The following ADGRV1 variants were observed in gnomAD, a reference collection of about 807,000 sequenced individuals.
The protein encoded by ADGRV1 is G-protein coupled receptor 98.
A neutral mutation model predicts 596.2 loss-of-function variants in ADGRV1; 359 were observed. That is an observed-to-expected ratio of 0.60 (90% CI 0.55 to 0.66). The LOEUF (loss-of-function observed/expected upper bound fraction) is 0.66, where lower values mean the gene tolerates loss of function less well. ADGRV1 is among the 30% of genes least tolerant of loss of function. The pLI, the probability that ADGRV1 is intolerant of heterozygous loss-of-function variation, is 0.00. For missense variants in ADGRV1, 7,274 were observed against 7,575.6 expected, an observed-to-expected ratio of 0.96 and a Z score of 1.48; for synonymous variants, 2,681 against 2,679.2, an observed-to-expected ratio of 1.00 and a Z score of -0.02.
At chr5:91,076,916 T>A (rs557986050) in intron 86 of ADGRV1, among the ~76,000 whole-genome samples, 81 of 152,282 alleles carry the variant, frequency 5.3e-4, no homozygotes, top group African/African-American at 1.8e-3. Context: ...AACGTGCAGG[T>A]TTGTTACATA....
chr5:90,756,148 T>G (rs1755806984), intron 55 of ADGRV1, among the ~76,000 whole-genome samples: 1 of 152,070 alleles, frequency 6.6e-6, no homozygotes, highest in African/African-American at 2.4e-5. Context: ...TTTGGGATAT[T>G]AAATATGTAA....
chr5:90,625,046 T>G, intron 5 of ADGRV1, 84 bp from the exon 6 acceptor site: 2 of 764,724 alleles, frequency 2.6e-6, no homozygotes, highest in Non-Finnish European at 4.4e-6. Context: ...ACTTCAGATT[T>G]TTGTCAGCTG....
At chr5:91,038,275 G>A (rs1409531057) in intron 85 of ADGRV1, among the ~76,000 whole-genome samples, 1 of 152,194 alleles carries the variant, frequency 6.6e-6, no homozygotes, top group East Asian at 1.9e-4. Flanking sequence ...AGCCAGATTG[G>A]GTTTTGGACT....
At chr5:90,701,164 C>G (rs575880952) in intron 34 of ADGRV1, among the ~76,000 whole-genome samples, 5 of 152,060 alleles carry the variant, frequency 3.3e-5, no homozygotes, top group Non-Finnish European at 7.4e-5. Context: ...AAGGGTTGTT[C>G]TGCCTTTCAT....
intron 50 of ADGRV1, among the ~76,000 whole-genome samples, chr5:90,738,891 T>C (rs1193547768): frequency 1.3e-5 from 2 of 152,152 alleles, no homozygotes; most frequent in Admixed American, 6.5e-5. Flanking sequence ...ATTCTTGGTA[T>C]TTTTTCTTTC....
At chr5:90,879,814 G>A (rs1769582818) in intron 83 of ADGRV1, among the ~76,000 whole-genome samples, 2 of 151,952 alleles carry the variant, frequency 1.3e-5, no homozygotes, top group African/African-American at 4.8e-5. Flanking sequence ...GGGTATGGTG[G>A]TGCACGCCTG....
At chr5:90,707,171 C>G (rs1038337255) in intron 38 of ADGRV1, among the ~76,000 whole-genome samples, 2 of 152,064 alleles carry the variant, frequency 1.3e-5, no homozygotes, top group African/African-American at 4.8e-5. Flanking sequence ...TTACATTAAG[C>G]TTAGCATAAT....
rs147964666 is a variant in ADGRV1, at chr5:91,105,490, A to G, written c.18432+3150A>G. 3.1e-3 allele frequency among the ~76,000 whole-genome samples: 478 copies of G among 152,240 alleles called. 4 individuals are homozygous for G. The highest frequency in any genetic ancestry group is 0.011 in the African/African-American group (447 of 41,540). ...AGAGTTCTGTTTTCTCCGCATCATC[A>G]CTAGCATTTATTTTTTGTCTTTTTG... On this transcript the variant is annotated intron_variant, in intron 87 of 89. Transcript: ENST00000405460.
intron 21 of ADGRV1, among the ~76,000 whole-genome samples, chr5:90,666,251 G>A (rs1249559199): frequency 6.6e-6 from 1 of 151,990 alleles, no homozygotes; most frequent in African/African-American, 2.4e-5. Flanking sequence ...GGGAGTCTAA[G>A]TCTCTTTGTA....
intron 85 of ADGRV1, among the ~76,000 whole-genome samples, chr5:90,994,944 A>C (rs561629125): frequency 3.9e-5 from 6 of 152,286 alleles, no homozygotes; most frequent in African/African-American, 1.2e-4. Flanking sequence ...GGAAGTTAGT[A>C]ACTGCCTTAA....
chr5:90,969,325 T>G (rs189898335), intron 84 of ADGRV1, among the ~76,000 whole-genome samples: 1 of 152,356 alleles, frequency 6.6e-6, no homozygotes, highest in East Asian at 1.9e-4. Context: ...TTTGAAAACA[T>G]CTTGAATACT....
At chr5:91,116,601 A>G (rs376732941) in intron 87 of ADGRV1, among the ~76,000 whole-genome samples, 16 of 152,340 alleles carry the variant, frequency 1.1e-4, no homozygotes, top group Admixed American at 3.3e-4. Context: ...CAGAAGCCCA[A>G]TGATGTCACA....
At chr5:90,739,075 C>A (rs1408688474) in intron 50 of ADGRV1, among the ~76,000 whole-genome samples, 1 of 151,754 alleles carries the variant, frequency 6.6e-6, no homozygotes, top group African/African-American at 2.4e-5. Context: ...TTGATCAAGT[C>A]TGCTGTTGAA....
chr5:91,023,789 TA>T (rs1266077769), intron 85 of ADGRV1, among the ~76,000 whole-genome samples: 1 of 152,130 alleles, frequency 6.6e-6, no homozygotes, highest in Non-Finnish European at 1.5e-5. Flanking sequence ...TGACAAGAGA[TA>T]GATGAAAAAC....
chr5:90,608,440 A>G, intron 1 of ADGRV1, among the ~76,000 whole-genome samples: 1 of 152,114 alleles, frequency 6.6e-6, no homozygotes, highest in East Asian at 1.9e-4. Flanking sequence ...AAACAATCAG[A>G]ACGGGTCACA....
intron 84 of ADGRV1, among the ~76,000 whole-genome samples, chr5:90,977,179 A>G (rs892703380): frequency 7.2e-5 from 11 of 152,226 alleles, no homozygotes; most frequent in Non-Finnish European, 1.5e-5. Context: ...CAAGATAAAA[A>G]TGACATACCC....
At chr5:91,163,063 AAG>A in intron 89 of ADGRV1, among the ~76,000 whole-genome samples, 1 of 152,190 alleles carries the variant, frequency 6.6e-6, no homozygotes, top group Admixed American at 6.5e-5. Context: ...ATGAAAGAAA[AAG>A]AAAAGAACAA....
At position 90,805,271 on chromosome 5, in the gene ADGRV1, G is replaced by A; in HGVS notation, c.14662-13G>A. 6.2e-7 allele frequency: 1 copy of A among 1,605,526 alleles called. No homozygotes were observed. The highest frequency in any genetic ancestry group is 8.5e-7 in the Non-Finnish European group (1 of 1,173,186). On this transcript the variant is annotated splice_polypyrimidine_tract_variant and intron_variant, in intron 71 of 89. Transcript: ENST00000405460. The stretch of plus-strand genomic sequence containing the variant: ...GAGAGAAATAAAATACTCTAAGCAT[G>A]ATTTTCCCTCAGGTCGGATTTGAAT...
In ADGRV1 at chr5:91,001,521, T is replaced by G. The variant is rs116767494; in HGVS notation, c.18152+15999T>G. ...AGACCAGGGAGTTTAGGCATACTCT[T>G]ATTTATTCATTGGCCATTTTGTACT... On this transcript the variant is annotated intron_variant, in intron 85 of 89. Transcript: ENST00000405460. Among the ~76,000 whole-genome samples the G allele has an allele frequency of 8.5e-3, 1,296 of 152,298 alleles. 23 individuals are homozygous for G. The highest frequency in any genetic ancestry group is 0.03 in the African/African-American group (1,252 of 41,564).
Sources: gnomAD v4.1 joint callset for allele counts (sites outside exome capture counted in the v4.1 genomes callset) on GRCh38, gnomAD v4.1.1 for gene constraint, MANE v1.5 for transcripts, NCBI Gene and HGNC (gene_info 2026-07-23, HGNC 2026-07-21) for gene names.